The following NRXN1 variants were observed in gnomAD, a reference collection of about 807,000 sequenced individuals.
The protein encoded by NRXN1 is neurexin-1.
Under a neutral mutation model 150.9 loss-of-function variants are expected in NRXN1, and 39 were observed. The ratio of observed to expected loss-of-function variants is 0.26; its 90% CI spans 0.20 to 0.34. NRXN1 has a LOEUF of 0.34. Ranked by LOEUF, NRXN1 falls within the 10% of genes least tolerant of loss-of-function variation. The pLI is 1.00. For synonymous variants in NRXN1, 924 were observed against 757.0 expected (o/e 1.22, Z -3.62); for missense variants, 1,815 against 1,949.9 (o/e 0.93, Z 1.30).
At chr2:50,723,347 T>C (rs900644157) in intron 5 of NRXN1, among the ~76,000 whole-genome samples, 4 of 152,210 alleles carry the variant, frequency 2.6e-5, no homozygotes, top group Admixed American at 2.6e-4. Context: ...GAACTATTAT[T>C]CAAAGCTTTC....
intron 17 of NRXN1, among the ~76,000 whole-genome samples, chr2:50,258,250 T>C (rs2067908844): frequency 6.6e-6 from 1 of 152,104 alleles, no homozygotes; most frequent in Admixed American, 6.6e-5. Flanking sequence ...AATAGACTTC[T>C]TTCAAAATTT....
chr2:50,975,592 G>A (rs1158247516), intron 2 of NRXN1, among the ~76,000 whole-genome samples: 1 of 152,030 alleles, frequency 6.6e-6, no homozygotes, highest in Non-Finnish European at 1.5e-5. Context: ...TCATTTTATA[G>A]TATACTCTTG....
intron 5 of NRXN1, among the ~76,000 whole-genome samples, chr2:50,809,999 T>C (rs758995581): frequency 1.3e-5 from 2 of 152,190 alleles, no homozygotes; most frequent in Non-Finnish European, 2.9e-5. Flanking sequence ...CCTACTAGTA[T>C]ACGCCTCTTC....
chr2:50,476,301 G>A (rs190684019), intron 15 of NRXN1, among the ~76,000 whole-genome samples: 60 of 152,108 alleles, frequency 3.9e-4, no homozygotes, highest in Middle Eastern at 3.4e-3. Flanking sequence ...TATCCATTCC[G>A]CAGTAATTGA....
intron 5 of NRXN1, among the ~76,000 whole-genome samples, chr2:50,731,465 A>C (rs182824096): frequency 6.6e-6 from 1 of 152,336 alleles, no homozygotes; most frequent in Admixed American, 6.5e-5. Flanking sequence ...GTCAGAAAAA[A>C]ATGTTATCCG....
chr2:50,303,721 G>A (rs72874461), intron 17 of NRXN1, among the ~76,000 whole-genome samples: 26,285 of 151,944 alleles, frequency 0.17, 2,532 homozygotes, highest in East Asian at 0.39. Flanking sequence ...GATTTTTGTC[G>A]TTAAAACTCA....
chr2:50,919,134 T>A (rs1685632091), intron 5 of NRXN1: 1 of 151,764 alleles, frequency 6.6e-6, no homozygotes, highest in African/African-American at 2.4e-5. Flanking sequence ...TTCATTGTGA[T>A]TCTGCCAGCC....
At chr2:50,592,504 G>A (rs1442544306) in intron 8 of NRXN1, among the ~76,000 whole-genome samples, 3 of 152,220 alleles carry the variant, frequency 2.0e-5, no homozygotes, top group African/African-American at 4.8e-5. Context: ...ACAAAACAGA[G>A]GGCAGGGAGG....
intron 21 of NRXN1, among the ~76,000 whole-genome samples, chr2:49,947,760 T>C (rs2104423949): frequency 6.6e-6 from 1 of 152,064 alleles, no homozygotes; most frequent in Admixed American, 6.6e-5. Flanking sequence ...GCTCAAAACA[T>C]TTAAAAACAG....
At chr2:50,524,575 C>T (rs907597798) in intron 12 of NRXN1, among the ~76,000 whole-genome samples, 5 of 151,502 alleles carry the variant, frequency 3.3e-5, no homozygotes, top group Admixed American at 1.3e-4. Context: ...AAGGTCATTC[C>T]GTAATTATGC....
chr2:51,003,841 G>A (rs368159294), intron 2 of NRXN1, among the ~76,000 whole-genome samples: 1 of 152,066 alleles, frequency 6.6e-6, no homozygotes, highest in South Asian at 2.1e-4. Context: ...CCACTACTCT[G>A]AAGTTTCAGC....
intron 19 of NRXN1, among the ~76,000 whole-genome samples, chr2:50,086,851 C>A (rs1563025): frequency 0.25 from 34,191 of 136,398 alleles, 4,210 homozygotes; most frequent in Admixed American, 0.38. Context: ...AGAGAGAGAG[C>A]GAGCCGAAAA....
chr2:50,301,625 T>A (rs1042258627), intron 17 of NRXN1, among the ~76,000 whole-genome samples: 1 of 152,198 alleles, frequency 6.6e-6, no homozygotes, highest in Non-Finnish European at 1.5e-5. Context: ...TAGGGTACTC[T>A]GTACCCTGCA....
intron 17 of NRXN1, among the ~76,000 whole-genome samples, chr2:50,293,778 T>G (rs1458932834): frequency 6.6e-6 from 1 of 152,078 alleles, no homozygotes; most frequent in African/African-American, 2.4e-5. Context: ...CAGGGGGAGA[T>G]AGTAAACTTG....
chr2:50,368,251 T>G (rs1295128078), intron 17 of NRXN1, among the ~76,000 whole-genome samples: 1 of 151,908 alleles, frequency 6.6e-6, no homozygotes, highest in Non-Finnish European at 1.5e-5. Flanking sequence ...ATGAAACACA[T>G]TTTCAACTGG....
At chr2:50,348,301 A>C (rs2078191889) in intron 17 of NRXN1, among the ~76,000 whole-genome samples, 1 of 152,190 alleles carries the variant, frequency 6.6e-6, no homozygotes, top group Admixed American at 6.5e-5. Context: ...ACAAGGAGGG[A>C]AAAGGATGCA....
At chr2:50,367,071 G>T (rs2079634054) in intron 17 of NRXN1, among the ~76,000 whole-genome samples, 1 of 151,952 alleles carries the variant, frequency 6.6e-6, no homozygotes, top group Admixed American at 6.6e-5. Flanking sequence ...AAGGAAAGTA[G>T]GGAACATATT....
intron 17 of NRXN1, among the ~76,000 whole-genome samples, chr2:50,421,830 T>C (rs1256557548): frequency 6.6e-6 from 1 of 152,134 alleles, no homozygotes; most frequent in Non-Finnish European, 1.5e-5. Context: ...TTTTATCCTG[T>C]TTTCCTATTT....
At chr2:51,031,226 A>T (rs1671494358) in intron 1 of NRXN1, among the ~76,000 whole-genome samples, 1 of 152,098 alleles carries the variant, frequency 6.6e-6, no homozygotes, top group African/African-American at 2.4e-5. Context: ...AAATAAAGGG[A>T]TCTGAAAAAC....
Sources: gnomAD v4.1 joint callset for allele counts (sites outside exome capture counted in the v4.1 genomes callset) on GRCh38, gnomAD v4.1.1 for gene constraint, MANE v1.5 for transcripts, NCBI Gene and HGNC (gene_info 2026-07-23, HGNC 2026-07-21) for gene names.